The following SEC23A variants were observed in gnomAD, a reference collection of about 807,000 sequenced individuals.
SEC23A encodes SEC23 homolog A, COPII component, also known as protein transport protein Sec23A.
A neutral mutation model predicts 103.7 loss-of-function variants in SEC23A; 56 were observed. The ratio of observed to expected loss-of-function variants is 0.54; its 90% CI spans 0.44 to 0.67. SEC23A has a LOEUF of 0.67. Ranked by LOEUF, SEC23A falls within the 30% of genes least tolerant of loss-of-function variation. The probability of loss-of-function intolerance (pLI) is 0.00; values close to 1 mark genes in which losing one functional copy is unlikely to be tolerated. For missense variants in SEC23A, 784 were observed against 936.4 expected (o/e 0.84, Z 2.12); for synonymous variants, 281 against 293.0 (o/e 0.96, Z 0.42).
At chr14:39,100,205 C>T (rs796770655) in intron 1 of SEC23A, among the ~76,000 whole-genome samples, 1 of 152,296 alleles carries the variant, frequency 6.6e-6, no homozygotes, top group African/African-American at 2.4e-5. Context: ...TACATTCCCA[C>T]ATTCCAGCAG....
In SEC23A at chr14:39,061,779, G is replaced by C. The variant is rs755898838; in HGVS notation, c.1491C>G (p.Thr497=). The part of the protein sequence containing the change: ...HSSGQRRIRV[T]TIARNWADAQ... ...ATACAACTTACTTCCTAGCAATGGT[G>C]GTCACTCGGATGCGTCTCTGCCCAC... The change falls in exon 13 of 20, where the codon ACC becomes ACG. Residue 497 remains threonine (T), a synonymous_variant. Transcript: ENST00000307712. The C allele has an allele frequency of 2.5e-6, 4 of 1,608,950 alleles. No homozygotes were observed. In the Admixed American group the frequency reaches 6.7e-5, roughly 27 times the overall value.
intron 7 of SEC23A, among the ~76,000 whole-genome samples, chr14:39,081,853 AT>A (rs1887238511): frequency 6.6e-6 from 1 of 152,212 alleles, no homozygotes; most frequent in African/African-American, 2.4e-5. Flanking sequence ...ACATCTATAG[AT>A]ACATATATAT....
chr14:39,039,062 T>A lies in SEC23A; in HGVS notation c.2177A>T (p.Gln726Leu). ...CCAGGCATACATATTATTATGAGTC[T>A]GTGAAGGGTTGACTTTTGAAAGGAG... ...RFLLSKVNPS[Q>L]THNNMYAWGQ... is the part of the protein sequence containing the mutation. Residue 726 changes from glutamine to leucine, a missense_variant, in exon 19 of 20, where the codon CAG (glutamine) becomes CTG (leucine). By Grantham distance (113) the Gln-to-Leu change is moderately radical. Transcript: ENST00000307712. The A allele has an allele frequency of 6.2e-7, 1 of 1,613,708 alleles. No homozygotes were observed. The highest frequency in any genetic ancestry group is 1.1e-5 in the South Asian group (1 of 91,040).
chr14:39,090,963 T>C, intron 5 of SEC23A: 1 of 335,722 alleles, frequency 3.0e-6, no homozygotes, highest in Non-Finnish European at 5.7e-6. Context: ...GTGGACCTGC[T>C]CCAACAGTTG....
At chr14:39,055,406 T>G (rs28533236) in intron 13 of SEC23A, 110 bp from the exon 14 acceptor site, 2 of 1,098,802 alleles carry the variant, frequency 1.8e-6, no homozygotes, top group Non-Finnish European at 2.6e-6. Context: ...CAGAAACTAC[T>G]AGGATTTTTT....
intron 10 of SEC23A, among the ~76,000 whole-genome samples, chr14:39,066,235 C>G (rs1369201292): frequency 6.6e-6 from 1 of 151,954 alleles, no homozygotes; most frequent in Non-Finnish European, 1.5e-5. Context: ...CCCTAGGCAT[C>G]TCTGTAATTT....
At chr14:39,058,456 C>T (rs922179445) in intron 13 of SEC23A, among the ~76,000 whole-genome samples, 17 of 152,172 alleles carry the variant, frequency 1.1e-4, no homozygotes, top group South Asian at 8.3e-4. Flanking sequence ...TACAGGTGCC[C>T]GCCACCACGC....
At chr14:39,068,049 C>A (rs1319315009) in intron 9 of SEC23A, among the ~76,000 whole-genome samples, 1 of 151,848 alleles carries the variant, frequency 6.6e-6, no homozygotes, top group Non-Finnish European at 1.5e-5. Context: ...ACATGTTATA[C>A]CAAGCAAATG....
At chr14:39,070,824 C>CGA (rs1886817645) in intron 9 of SEC23A, among the ~76,000 whole-genome samples, 1 of 151,986 alleles carries the variant, frequency 6.6e-6, no homozygotes, top group Non-Finnish European at 1.5e-5. Flanking sequence ...GTCAGGAGTC[C>CGA]GAGACTAGCC....
At position 39,074,291 on chromosome 14, in the gene SEC23A, C is replaced by T. The variant is rs1268579022; in HGVS notation, c.1103+124G>A. 5.5e-6 allele frequency: 4 copies of T among 722,170 alleles called. No homozygotes were observed. In the African/African-American group the frequency reaches 7.0e-5, roughly 13 times the overall value. 44.7% of individuals were successfully genotyped at this position (722,170 alleles called of 1,614,324 possible). A position where few individuals can be genotyped will look rare whatever the true frequency, so the allele number is the denominator to read the frequency against. On this transcript the variant is annotated intron_variant, in intron 9 of 19. Transcript: ENST00000307712. ...TGAAAGGAATATCAAAAACTACTAACAGATGTGTTGCCTTGAAGTAGTGGG... is the reference window on the plus strand; with the variant it reads ...TGAAAGGAATATCAAAAACTACTAATAGATGTGTTGCCTTGAAGTAGTGGG...
At chr14:39,075,759 A>G (rs1318841431) in intron 8 of SEC23A, among the ~76,000 whole-genome samples, 176 bp downstream of exon 8, 2 of 152,374 alleles carry the variant, frequency 1.3e-5, no homozygotes, top group Middle Eastern at 3.4e-3. Context: ...ATTTCAAACC[A>G]GAAACATTAC....
Position 39,063,367 on chromosome 14 carries a change from C to G in SEC23A, c.1355G>C (p.Ser452Thr), listed in dbSNP as rs1886544186. The G allele has an allele frequency of 1.9e-6, 3 of 1,612,600 alleles. No homozygotes were observed. The highest frequency in any genetic ancestry group is 1.7e-6 in the Non-Finnish European group (2 of 1,178,874). The part of the protein sequence containing the change: ...GTCQWKICGL[S>T]PTTTLAIYFE... Reference sequence around the variant, plus strand: ...ATATATGGCTAAGGTTGTAGTGGGACTAAGTCCACATATCTTCCACTGACA... The same window carrying G: ...ATATATGGCTAAGGTTGTAGTGGGAGTAAGTCCACATATCTTCCACTGACA... Residue 452 changes from serine to threonine, a missense_variant, in exon 12 of 20, where the codon AGT becomes ACT. Ser to Thr is a moderately conservative substitution (Grantham distance 58). Around this residue, in one of 2 missense-constraint regions of SEC23A, gnomAD observed 683 missense variants for 774.2 expected, o/e 0.88. Coordinates refer to ENST00000307712, the MANE Select transcript of SEC23A (RefSeq NM_006364.4).
At chr14:39,041,868 CAAAAA>C (rs773512856) in intron 17 of SEC23A, among the ~76,000 whole-genome samples, 1 of 88,786 alleles carries the variant, frequency 1.1e-5, no homozygotes, top group Admixed American at 1.2e-4. Flanking sequence ...GACTGAGTCT[CAAAAA>C]AAAAAAAAAA....
chr14:39,080,669 G>A (rs554380985), intron 7 of SEC23A, among the ~76,000 whole-genome samples: 1 of 152,234 alleles, frequency 6.6e-6, no homozygotes, highest in East Asian at 1.9e-4. Flanking sequence ...GCCTCCCAAA[G>A]TGCTGGGATT....
Position 39,045,085 on chromosome 14 carries a change from T to C in SEC23A, c.1899+78A>G, listed in dbSNP as rs1429000649. 43 of 1,247,838 alleles carry C rather than the reference T, an allele frequency of 3.4e-5. No individual in the cohort carries two copies. In the South Asian group the frequency reaches 5.1e-4, roughly 15 times the overall value. The allele number at this position is 1,247,838 out of a possible 1,614,324, so 77.3% of individuals were successfully genotyped here. On this transcript the variant is annotated intron_variant, in intron 16 of 19. Transcript: ENST00000307712. ...TTCTTATATTTAGTAACTATATGCATTTTTTTAGTTATTTTCACTTTTTTA... is the reference window on the plus strand; with the variant it reads ...TTCTTATATTTAGTAACTATATGCACTTTTTTAGTTATTTTCACTTTTTTA...
intron 16 of SEC23A, among the ~76,000 whole-genome samples, chr14:39,043,717 G>C (rs1346566726): frequency 2.6e-5 from 4 of 152,182 alleles, no homozygotes; most frequent in Admixed American, 6.6e-5. Context: ...AGAACGGTGA[G>C]TGAGTAAGAG....
intron 10 of SEC23A, among the ~76,000 whole-genome samples, chr14:39,065,621 A>T (rs1488264831): frequency 2.6e-5 from 4 of 152,172 alleles, no homozygotes; most frequent in Non-Finnish European, 5.9e-5. Context: ...CAGTTTTCTC[A>T]AACATACAAT....
intron 19 of SEC23A, among the ~76,000 whole-genome samples, chr14:39,034,527 A>T (rs968358590): frequency 2.0e-5 from 3 of 152,238 alleles, no homozygotes; most frequent in African/African-American, 7.2e-5. Context: ...AACCTAAACC[A>T]GTAACAACCT....
Position 39,043,034 on chromosome 14 carries a change from T to C in SEC23A, c.1900-162A>G, listed in dbSNP as rs535625129. Among the ~76,000 whole-genome samples, 9 of 152,290 alleles carry C rather than the reference T, an allele frequency of 5.9e-5. No individual in the cohort carries two copies. In the East Asian group the frequency reaches 1.7e-3, roughly 29 times the overall value. On this transcript the variant is annotated intron_variant, in intron 16 of 19. Transcript: ENST00000307712. ...CTCTGTCACCTAGGCTGGTGTGCAGTGGCATGATCTCAGCTCACTGCAGCC... is the reference window on the plus strand; with the variant it reads ...CTCTGTCACCTAGGCTGGTGTGCAGCGGCATGATCTCAGCTCACTGCAGCC...
Sources: gnomAD v4.1 joint callset for allele counts (sites outside exome capture counted in the v4.1 genomes callset) on GRCh38, gnomAD v4.1.1 for gene constraint, gnomAD v4.1.1 regional missense constraint, MANE v1.5 for transcripts, NCBI Gene and HGNC (gene_info 2026-07-23, HGNC 2026-07-21) for gene names.